The following GPC6 variants were observed in gnomAD, a reference collection of about 807,000 sequenced individuals.
GPC6 encodes glypican 6.
A neutral mutation model predicts 55.2 loss-of-function variants in GPC6; 14 were observed. The ratio of observed to expected loss-of-function variants is 0.25; its 90% CI spans 0.17 to 0.40. GPC6 has a LOEUF of 0.40. Among genes scored for constraint, GPC6 ranks in the 10% least tolerant of loss-of-function variants. The pLI is 1.00. For missense variants in GPC6, 641 were observed against 708.5 expected (o/e 0.90, Z 1.08); for synonymous variants, 278 against 259.6 (o/e 1.07, Z -0.68).
intron 4 of GPC6, among the ~76,000 whole-genome samples, chr13:94,256,222 G>A (rs901587886): frequency 6.6e-6 from 1 of 152,068 alleles, no homozygotes. Flanking sequence ...GTGGAGTGTG[G>A]GCCATGTCAG....
At chr13:93,240,853 G>A (rs1039479104) in intron 1 of GPC6, among the ~76,000 whole-genome samples, 2 of 152,048 alleles carry the variant, frequency 1.3e-5, no homozygotes, top group African/African-American at 4.8e-5. Context: ...GATTCTCTCC[G>A]AGTTTGCTTT....
intron 4 of GPC6, among the ~76,000 whole-genome samples, chr13:94,250,272 T>G (rs1181362585): frequency 6.6e-6 from 1 of 152,186 alleles, no homozygotes; most frequent in Non-Finnish European, 1.5e-5. Flanking sequence ...CAGGAGTCCA[T>G]CTCTGTGAAA....
At chr13:94,141,951 C>T (rs1473504525) in intron 4 of GPC6, among the ~76,000 whole-genome samples, 1 of 152,108 alleles carries the variant, frequency 6.6e-6, no homozygotes, top group African/African-American at 2.4e-5. Flanking sequence ...TACTTCCCTC[C>T]CTTGTTGGTG....
intron 2 of GPC6, among the ~76,000 whole-genome samples, chr13:93,589,766 G>A (rs1427777303): frequency 6.6e-6 from 1 of 152,106 alleles, no homozygotes; most frequent in Admixed American, 6.6e-5. Flanking sequence ...CTAAACTTTA[G>A]GATTCCTGTT....
At chr13:93,482,526 T>C (rs1474097311) in intron 1 of GPC6, among the ~76,000 whole-genome samples, 2 of 152,152 alleles carry the variant, frequency 1.3e-5, no homozygotes, top group Admixed American at 1.3e-4. Flanking sequence ...CAGTTTATAT[T>C]AATCAAATCA....
At chr13:93,778,651 T>C (rs1037710694) in intron 2 of GPC6, among the ~76,000 whole-genome samples, 1 of 152,174 alleles carries the variant, frequency 6.6e-6, no homozygotes, top group African/African-American at 2.4e-5. Context: ...ACACCAAGCT[T>C]CTATACCAGG....
At chr13:93,220,215 AGAGCTATT>A in the GPC6 span, among the ~76,000 whole-genome samples, 15 of 152,242 alleles carry the variant, frequency 9.9e-5, no homozygotes, top group African/African-American at 3.4e-4. Flanking sequence ...CATCATGTGA[AGAGCTATT>A]CCCTACCGAA....
At chr13:93,596,735 CATATATATATGTGTAT>C (rs1877760331) in intron 2 of GPC6, among the ~76,000 whole-genome samples, 2 of 145,174 alleles carry the variant, frequency 1.4e-5, no homozygotes, top group Admixed American at 1.4e-4. Context: ...AGTGTATATG[CATATATATATGTGTAT>C]ATATGTATAT....
chr13:93,423,692 T>C (rs1877013842), intron 1 of GPC6, among the ~76,000 whole-genome samples: 1 of 152,158 alleles, frequency 6.6e-6, no homozygotes, highest in Non-Finnish European at 1.5e-5. Flanking sequence ...TCTCCACCAC[T>C]CCGCCACCAA....
intron 3 of GPC6, among the ~76,000 whole-genome samples, chr13:94,024,443 G>T (rs1882816454): frequency 6.6e-6 from 1 of 152,092 alleles, no homozygotes; most frequent in African/African-American, 2.4e-5. Context: ...ACTTTTAAAA[G>T]TCTTCAGTTT....
chr13:94,372,455 CG>C (rs1321680775), intron 6 of GPC6, among the ~76,000 whole-genome samples: 1 of 151,666 alleles, frequency 6.6e-6, no homozygotes, highest in Non-Finnish European at 1.5e-5. Flanking sequence ...GGGTGACTGA[CG>C]GCACCTGGAA....
chr13:94,193,062 C>CGT (rs66612458), intron 4 of GPC6, among the ~76,000 whole-genome samples: 2,366 of 148,682 alleles, frequency 0.016, 40 homozygotes, highest in East Asian at 0.041. Context: ...TGAGACTCCT[C>CGT]GTGTGTGTGT....
chr13:93,424,106 C>CT (rs1319552913), intron 1 of GPC6, among the ~76,000 whole-genome samples: 1 of 152,156 alleles, frequency 6.6e-6, no homozygotes, highest in African/African-American at 2.4e-5. Flanking sequence ...GAAAAACACT[C>CT]TGAGACAGAT....
intron 2 of GPC6, among the ~76,000 whole-genome samples, chr13:93,556,731 A>G (rs1256882573): frequency 2.0e-5 from 3 of 152,004 alleles, no homozygotes; most frequent in East Asian, 3.9e-4. Flanking sequence ...ACCTCTGGTA[A>G]CCACCCTTCT....
At chr13:94,062,103 C>T (rs1566353551) in intron 4 of GPC6, among the ~76,000 whole-genome samples, 1 of 152,086 alleles carries the variant, frequency 6.6e-6, no homozygotes, top group Non-Finnish European at 1.5e-5. Flanking sequence ...ATCAAATTTC[C>T]CAAACAACTG....
chr13:93,847,155 A>G (rs1888210129), intron 3 of GPC6, among the ~76,000 whole-genome samples: 1 of 152,156 alleles, frequency 6.6e-6, no homozygotes, highest in Non-Finnish European at 1.5e-5. Flanking sequence ...AAGGAGTGCT[A>G]CTTCTGTCCC....
chr13:93,336,398 A>T (rs1017003282), intron 1 of GPC6, among the ~76,000 whole-genome samples: 6 of 152,156 alleles, frequency 3.9e-5, no homozygotes, highest in African/African-American at 1.4e-4. Context: ...CCAGATTTGG[A>T]TGTCTTCCAG....
intron 6 of GPC6, among the ~76,000 whole-genome samples, chr13:94,310,317 G>A (rs564977061): frequency 3.9e-5 from 6 of 152,196 alleles, no homozygotes; most frequent in Admixed American, 3.3e-4. Flanking sequence ...AACTCAACAA[G>A]TTGGTGATGA....
At chr13:93,309,349 A>G (rs1878983877) in intron 1 of GPC6, among the ~76,000 whole-genome samples, 1 of 152,090 alleles carries the variant, frequency 6.6e-6, no homozygotes, top group Non-Finnish European at 1.5e-5. Flanking sequence ...ACATAGCGAT[A>G]ATTCATGATG....
Sources: allele counts gnomAD v4.1 joint callset (sites outside exome capture counted in the v4.1 genomes callset), GRCh38; gene constraint gnomAD v4.1.1; transcripts MANE v1.5; gene names NCBI Gene and HGNC (gene_info 2026-07-23, HGNC 2026-07-21).